Variants in GMDS observed in about 807,000 individuals in gnomAD.
GMDS encodes the protein GDP-mannose 4,6-dehydratase.
GMDS carries 20 observed loss-of-function variants against 49.9 expected under a neutral mutation model. That is an observed-to-expected ratio of 0.40 (90% CI 0.28 to 0.58). The LOEUF (loss-of-function observed/expected upper bound fraction) is 0.58. Ranked by LOEUF, GMDS falls within the 20% of genes least tolerant of loss-of-function variation. The pLI is 0.42. For missense variants in GMDS, 362 were observed against 481.4 expected (o/e 0.75, Z 2.32); for synonymous variants, 177 against 178.6 (o/e 0.99, Z 0.07).
At chr6:1,934,517 G>C (rs1762433620) in intron 6 of GMDS, among the ~76,000 whole-genome samples, 3 of 152,144 alleles carry the variant, frequency 2.0e-5, no homozygotes. Context: ...AATATAGGAT[G>C]TCTTTCTCCT....
At chr6:1,751,580 G>A (rs1193407077) in intron 7 of GMDS, among the ~76,000 whole-genome samples, 2 of 152,156 alleles carry the variant, frequency 1.3e-5, no homozygotes, top group African/African-American at 2.4e-5. Context: ...TGCAACCTCC[G>A]CCTCCCAAGT....
intron 1 of GMDS, among the ~76,000 whole-genome samples, chr6:2,133,315 C>A (rs186307918): frequency 1.4e-4 from 21 of 152,244 alleles, no homozygotes; most frequent in Admixed American, 1.1e-3. Context: ...CTGGCTAAGG[C>A]AGGAAGGCAA....
At chr6:1,697,861 T>A (rs576625103) in intron 9 of GMDS, among the ~76,000 whole-genome samples, 12 of 152,326 alleles carry the variant, frequency 7.9e-5, no homozygotes, top group African/African-American at 2.9e-4. Context: ...CCATTTTGGA[T>A]TGCTCAAACT....
chr6:1,840,877 G>T lies in GMDS; in HGVS notation c.771+89226C>A, dbSNP rs1358490251. Among the ~76,000 whole-genome samples, 2 of 152,212 alleles carry T rather than the reference G, an allele frequency of 1.3e-5. 1 individual carries two copies. Among genetic ancestry groups the T allele is most frequent in the African/African-American group, 4.8e-5 (2 of 41,454 alleles). ...GGTTAAAATGCCTCAGTGGCAGTTT[G>T]GAGCTCACCGGATCTGGCAGCCACT... On this transcript the variant is annotated intron_variant, in intron 7 of 10. Transcript: ENST00000380815.
At chr6:2,220,177 C>A (rs1780519295) in intron 1 of GMDS, among the ~76,000 whole-genome samples, 1 of 152,210 alleles carries the variant, frequency 6.6e-6, no homozygotes, top group African/African-American at 2.4e-5. Context: ...TAAAAGCCAT[C>A]CAGCAGAACG....
chr6:2,220,948 G>A (rs993784053), intron 1 of GMDS, among the ~76,000 whole-genome samples: 1 of 152,138 alleles, frequency 6.6e-6, no homozygotes, highest in African/African-American at 2.4e-5. Context: ...AGGCCAACGT[G>A]GGAAGATCAC....
chr6:1,640,064 C>T lies in GMDS; in HGVS notation c.988-15524G>A, dbSNP rs1383157058. Reference sequence around the variant, plus strand: ...TGATGTTGGGTAAGTGCCCGACAGACAGCAGCTCCTGCCACTGCACAGTCA... The same window carrying T: ...TGATGTTGGGTAAGTGCCCGACAGATAGCAGCTCCTGCCACTGCACAGTCA... On this transcript the variant is annotated intron_variant, in intron 9 of 10. Transcript: ENST00000380815. The surrounding 1 kb of genome is among the most constrained non-coding windows in gnomAD (Gnocchi z 4.0). 6.6e-6 allele frequency among the ~76,000 whole-genome samples: 1 copy of T among 152,170 alleles called. No individual in the cohort carries two copies. The highest frequency in any genetic ancestry group is 1.5e-5 in the Non-Finnish European group (1 of 68,032).
Position 2,242,135 on chromosome 6 carries a change from T to A in GMDS, c.102+3186A>T, listed in dbSNP as rs566219499. Among the ~76,000 whole-genome samples the A allele has an allele frequency of 7.9e-5, 12 of 152,322 alleles. No individual in the cohort carries two copies. The South Asian group carries it at 2.5e-3, about 32-fold the overall frequency. ...GAAGTTCCTGGAATGGCTGCATTTATCAGGATTAGGCTGAGAACACTGAGA... is the reference window on the plus strand; with the variant it reads ...GAAGTTCCTGGAATGGCTGCATTTAACAGGATTAGGCTGAGAACACTGAGA... On this transcript the variant is annotated intron_variant, in intron 1 of 10. Transcript: ENST00000380815.
At chr6:2,206,087 T>A (rs1561656818) in intron 1 of GMDS, among the ~76,000 whole-genome samples, 1 of 152,058 alleles carries the variant, frequency 6.6e-6, no homozygotes, top group African/African-American at 2.4e-5. Flanking sequence ...GGAGAAATCA[T>A]GTCTCTACTA....
At chr6:1,797,645 T>C (rs762052308) in intron 7 of GMDS, among the ~76,000 whole-genome samples, 1 of 152,256 alleles carries the variant, frequency 6.6e-6, no homozygotes, top group Non-Finnish European at 1.5e-5. Context: ...GAATATTATC[T>C]TCATTTTACA....
chr6:1,909,417 G>A (rs189618005), intron 7 of GMDS, among the ~76,000 whole-genome samples: 1 of 152,318 alleles, frequency 6.6e-6, no homozygotes, highest in East Asian at 1.9e-4. Flanking sequence ...ATGTTCTTTG[G>A]TTAATCCTAT....
intron 4 of GMDS, among the ~76,000 whole-genome samples, chr6:1,997,690 T>C (rs1194083488): frequency 2.0e-5 from 3 of 152,032 alleles, no homozygotes; most frequent in Non-Finnish European, 4.4e-5. Flanking sequence ...ACTTTTGGCC[T>C]GTGGACCCTA....
intron 1 of GMDS, among the ~76,000 whole-genome samples, chr6:2,216,232 CA>C (rs1182021610): frequency 2.0e-5 from 3 of 152,124 alleles, no homozygotes; most frequent in African/African-American, 7.2e-5. Flanking sequence ...TAAGGAGTTA[CA>C]ATGAAAGATA....
intron 9 of GMDS, among the ~76,000 whole-genome samples, chr6:1,721,112 G>A (rs1766370164): frequency 6.6e-6 from 1 of 151,926 alleles, no homozygotes; most frequent in African/African-American, 2.4e-5. Flanking sequence ...TTCTAAACAG[G>A]GCTATGAGAT....
At chr6:1,952,868 C>T (rs192580769) in intron 6 of GMDS, among the ~76,000 whole-genome samples, 13 of 152,172 alleles carry the variant, frequency 8.5e-5, no homozygotes, top group Admixed American at 8.5e-4. Flanking sequence ...CAACAGGGAA[C>T]GTGATTTCTT....
chr6:2,243,244 T>C (rs1007241225), intron 1 of GMDS, among the ~76,000 whole-genome samples: 3 of 152,106 alleles, frequency 2.0e-5, no homozygotes, highest in African/African-American at 7.2e-5. Flanking sequence ...TCAGGTAGAC[T>C]CCCATGACAG....
At chr6:1,844,497 A>G (rs993788569) in intron 7 of GMDS, among the ~76,000 whole-genome samples, 13 of 152,238 alleles carry the variant, frequency 8.5e-5, no homozygotes, top group African/African-American at 3.1e-4. Context: ...GAATTTTCAG[A>G]CTTAATGCTT....
At chr6:1,845,179 A>G (rs1043499547) in intron 7 of GMDS, among the ~76,000 whole-genome samples, 4 of 152,232 alleles carry the variant, frequency 2.6e-5, no homozygotes, top group Non-Finnish European at 4.4e-5. Flanking sequence ...CAATTTGTCA[A>G]TGTCATCATC....
intron 9 of GMDS, among the ~76,000 whole-genome samples, chr6:1,700,462 T>G (rs1319571004): frequency 6.6e-6 from 1 of 152,108 alleles, no homozygotes; most frequent in Non-Finnish European, 1.5e-5. Flanking sequence ...TTCCATAGAC[T>G]CTAAATTACT....
Sources: gnomAD v4.1 joint callset for allele counts (sites outside exome capture counted in the v4.1 genomes callset) on GRCh38, gnomAD v4.1.1 for gene constraint, Gnocchi (gnomAD v3.1) non-coding constraint, MANE v1.5 for transcripts, NCBI Gene and HGNC (gene_info 2026-07-23, HGNC 2026-07-21) for gene names.